Variants in POGLUT2 observed in about 807,000 individuals in gnomAD.
The protein encoded by POGLUT2 is protein O-glucosyltransferase 2, also known as ER protein 58.
Under a neutral mutation model 57.6 loss-of-function variants are expected in POGLUT2, and 47 were observed. That is an observed-to-expected ratio of 0.82 (90% CI 0.65 to 1.04). The LOEUF (loss-of-function observed/expected upper bound fraction) is 1.04, where lower values mean the gene tolerates loss of function less well. Ranked by LOEUF, POGLUT2 falls within the 50% of genes least tolerant of loss-of-function variation. The pLI is 0.00. For missense variants in POGLUT2, 565 were observed against 614.8 expected (o/e 0.92, Z 0.86); for synonymous variants, 200 against 218.8 (o/e 0.91, Z 0.76).
At chr13:102,797,342 A>G (rs1878445486) in intron 1 of POGLUT2, among the ~76,000 whole-genome samples, 1 of 152,334 alleles carries the variant, frequency 6.6e-6, no homozygotes, top group East Asian at 1.9e-4. Flanking sequence ...ATGCTATCAC[A>G]TCTGGATATT....
chr13:102,788,213 A>G (rs944819980), intron 7 of POGLUT2, among the ~76,000 whole-genome samples: 1 of 152,256 alleles, frequency 6.6e-6, no homozygotes, highest in Admixed American at 6.5e-5. Flanking sequence ...TAAACGCAAG[A>G]TGAAGCTTAG....
Position 102,796,827 on chromosome 13 carries a change from G to A in POGLUT2, c.365C>T (p.Ala122Val), listed in dbSNP as rs1250852369. 1 of 1,590,482 alleles carries A rather than the reference G, an allele frequency of 6.3e-7. No individual in the cohort carries two copies. Residue 122 changes from alanine to valine, a missense_variant, in exon 2 of 10, where the codon GCC (alanine) becomes GTC (valine). Coordinates refer to ENST00000376004, the MANE Select transcript of POGLUT2 (RefSeq NM_024089.3). ...ACCTTTTAAAATATATGGGGATTTG[G>A]CCACATGTTGCCCTTGGAATTTAAT... is the stretch of plus-strand genomic sequence containing the variant. ...VEIKFQGQHV[A>V]KSPYILKGPV...
intron 9 of POGLUT2, among the ~76,000 whole-genome samples, chr13:102,784,938 G>A (rs1319131336): frequency 6.6e-6 from 1 of 152,170 alleles, no homozygotes; most frequent in Non-Finnish European, 1.5e-5. Flanking sequence ...GTCTCACTTA[G>A]AGCCAAAGTG....
chr13:102,790,978 T>A lies in POGLUT2; in HGVS notation c.1006A>T (p.Asn336Tyr). ...TCATCGTGTTTAAAGAAGAAAAAGT[T>A]GGTGAAAGCAGCGTCTATGAGTTCT... is the stretch of plus-strand genomic sequence containing the variant. ...HPELIDAAFT[N>Y]FFFFKHDENL... Residue 336 changes from asparagine (N) to tyrosine (Y), a missense_variant, in exon 6 of 10, where the codon AAC becomes TAC. Coordinates refer to ENST00000376004, the MANE Select transcript of POGLUT2 (RefSeq NM_024089.3). The A allele has an allele frequency of 6.2e-7, 1 of 1,614,160 alleles. No individual in the cohort carries two copies. Among genetic ancestry groups the A allele is most frequent in the African/African-American group, 1.3e-5 (1 of 75,074 alleles).
At position 102,796,946 on chromosome 13, in the gene POGLUT2, G is replaced by C. The variant is rs757475067; in HGVS notation, c.246C>G (p.Phe82Leu). The change falls in exon 2 of 10, where the codon TTC (phenylalanine) becomes TTG (leucine). Residue 82 changes from phenylalanine (F) to leucine (L), a missense_variant. Transcript: ENST00000376004. ...QVKVSAPEEQFTRVGVQVLDR... is the reference protein window; with the variant it reads ...QVKVSAPEEQLTRVGVQVLDR... Reference sequence around the variant, plus strand: ...CTAAAACCTGGACTCCAACTCTAGTGAATTGCTCCTCTGGTGCTGAGACTT... The same window carrying C: ...CTAAAACCTGGACTCCAACTCTAGTCAATTGCTCCTCTGGTGCTGAGACTT... 6.2e-6 allele frequency: 10 copies of C among 1,613,612 alleles called. No individual in the cohort carries two copies. The African/African-American group carries it at 8.0e-5, about 13-fold the overall frequency.
At chr13:102,797,644 A>G (rs1444596923) in intron 1 of POGLUT2, among the ~76,000 whole-genome samples, 1 of 152,086 alleles carries the variant, frequency 6.6e-6, no homozygotes, top group East Asian at 1.9e-4. Context: ...AGGGAGGCTG[A>G]GGTGGGAGGA....
At chr13:102,796,716 ATATATC>A (rs1351022477) in intron 2 of POGLUT2, 82 bp downstream of exon 2, 19 of 406,296 alleles carry the variant, frequency 4.7e-5, no homozygotes, top group Non-Finnish European at 7.5e-5. Flanking sequence ...ATATATATAT[ATATATC>A]ATGCCAAGTT....
At chr13:102,795,106 G>C in intron 2 of POGLUT2, among the ~76,000 whole-genome samples, 1 of 151,752 alleles carries the variant, frequency 6.6e-6, no homozygotes, top group East Asian at 1.9e-4. Context: ...ACAAAAATTA[G>C]CCAGGTGTTG....
At chr13:102,787,131 C>T (rs1877978779) in intron 8 of POGLUT2, among the ~76,000 whole-genome samples, 1 of 151,920 alleles carries the variant, frequency 6.6e-6, no homozygotes, top group African/African-American at 2.4e-5. Context: ...ACTGTAACTT[C>T]CACCTCCCGG....
chr13:102,795,970 A>AGG (rs1245767288), intron 2 of POGLUT2, among the ~76,000 whole-genome samples: 2 of 152,086 alleles, frequency 1.3e-5, no homozygotes, highest in African/African-American at 2.4e-5. Context: ...AGATGGCTCT[A>AGG]GGTAATAAAA....
intron 1 of POGLUT2, among the ~76,000 whole-genome samples, chr13:102,797,389 T>C (rs1429828584): frequency 6.6e-6 from 1 of 152,216 alleles, no homozygotes; most frequent in Non-Finnish European, 1.5e-5. Context: ...AATGATCTTA[T>C]TTTGAAAAAT....
chr13:102,793,185 C>T (rs1878250071), intron 4 of POGLUT2, 156 bp downstream of exon 4: 16 of 560,548 alleles, frequency 2.9e-5, no homozygotes, highest in Middle Eastern at 4.6e-4. Flanking sequence ...AGGAAACAAA[C>T]GCAGGTACCT....
chr13:102,791,482 C>T, intron 4 of POGLUT2, 52 bp from the exon 5 acceptor site: 1 of 1,460,890 alleles, frequency 6.8e-7, no homozygotes. Context: ...TTGGATAATA[C>T]ATTGTATTTA....
chr13:102,798,278 T>C (rs943163035), intron 1 of POGLUT2, among the ~76,000 whole-genome samples: 5 of 152,220 alleles, frequency 3.3e-5, no homozygotes, highest in Admixed American at 3.3e-4. Context: ...TCAAAATTGC[T>C]AGGAGATTAT....
chr13:102,787,813 A>T, intron 8 of POGLUT2, 21 bp downstream of exon 8: 2 of 1,379,284 alleles, frequency 1.5e-6, no homozygotes, highest in Non-Finnish European at 2.0e-6. Flanking sequence ...TTACGTGATG[A>T]TTTTCTTGGA....
intron 2 of POGLUT2, among the ~76,000 whole-genome samples, chr13:102,794,566 G>A (rs1878302754): frequency 6.6e-6 from 1 of 152,216 alleles, no homozygotes; most frequent in Non-Finnish European, 1.5e-5. Flanking sequence ...TCAGGAGGCT[G>A]AGGCATGACA....
At chr13:102,792,002 G>A (rs1273520006) in intron 4 of POGLUT2, 7 of 1,289,586 alleles carry the variant, frequency 5.4e-6, no homozygotes, top group Non-Finnish European at 7.1e-6. Flanking sequence ...ACCAGTCTGA[G>A]AAGCATCTTG....
chr13:102,798,396 G>A, intron 1 of POGLUT2, 93 bp downstream of exon 1: 1 of 1,193,356 alleles, frequency 8.4e-7, no homozygotes, highest in South Asian at 1.5e-5. Flanking sequence ...ATAAACTGCT[G>A]TGGAGAAACG....
In POGLUT2 at chr13:102,786,345, TA is replaced by T; in HGVS notation, c.1384-7del. 1 of 1,562,456 alleles carries T rather than the reference TA, an allele frequency of 6.4e-7. No homozygotes were observed. Among genetic ancestry groups the T allele is most frequent in the Non-Finnish European group, 8.8e-7 (1 of 1,132,894 alleles). On this transcript the variant is annotated splice_region_variant and splice_polypyrimidine_tract_variant and intron_variant, in intron 8 of 9. Coordinates refer to ENST00000376004, the MANE Select transcript of POGLUT2 (RefSeq NM_024089.3). ...ACTTGTAAATTGGCATATTCCTGTT[TA>T]AGCAACAATATAAAAGCATTCCTTA...
Sources: gnomAD v4.1 joint callset for allele counts (sites outside exome capture counted in the v4.1 genomes callset) on GRCh38, gnomAD v4.1.1 for gene constraint, MANE v1.5 for transcripts, NCBI Gene and HGNC (gene_info 2026-07-23, HGNC 2026-07-21) for gene names.